The following NPC2 variants were observed in gnomAD, a reference collection of about 807,000 sequenced individuals.
The protein encoded by NPC2 is NPC intracellular cholesterol transporter 2.
Under a neutral mutation model 17.0 loss-of-function variants are expected in NPC2, and 14 were observed. The ratio of observed to expected loss-of-function variants is 0.82; its 90% CI spans 0.54 to 1.29. NPC2 has a LOEUF of 1.29. Ranked by LOEUF, NPC2 falls within the 50% of genes most tolerant of loss-of-function variation. The pLI is 0.00. For synonymous variants in NPC2, 75 were observed against 69.3 expected, an observed-to-expected ratio of 1.08 and a Z score of -0.41; for missense variants, 167 against 183.4, an observed-to-expected ratio of 0.91 and a Z score of 0.52.
At position 74,479,961 on chromosome 14, in the gene NPC2, G is replaced by T; in HGVS notation, c.*313C>A. Reference sequence around the variant, plus strand: ...CACATGCAGAAGACAAGACAAACGAGTTTTTATTTATTCAAGAGTAAATTT... The same window carrying T: ...CACATGCAGAAGACAAGACAAACGATTTTTTATTTATTCAAGAGTAAATTT... On this transcript the variant is annotated 3_prime_UTR_variant, in exon 5 of 5. Coordinates refer to ENST00000555619, the MANE Select transcript of NPC2 (RefSeq NM_006432.5). 7.6e-7 allele frequency: 1 copy of T among 1,317,178 alleles called. No homozygotes were observed. The highest frequency in any genetic ancestry group is 9.7e-7 in the Non-Finnish European group (1 of 1,026,594). 81.6% of individuals were successfully genotyped at this position (1,317,178 alleles called of 1,614,324 possible). A position where few individuals can be genotyped will look rare whatever the true frequency, so the allele number is the denominator to read the frequency against.
At chr14:74,482,849 G>A (rs996744920) in intron 3 of NPC2, 5 of 381,560 alleles carry the variant, frequency 1.3e-5, no homozygotes, top group South Asian at 5.0e-5. Context: ...GGCATCAGCC[G>A]TTGCTGTGCA....
chr14:74,486,168 G>A (rs931731525), intron 2 of NPC2, among the ~76,000 whole-genome samples, 161 bp downstream of exon 2: 8 of 152,180 alleles, frequency 5.3e-5, no homozygotes, highest in Non-Finnish European at 8.8e-5. Flanking sequence ...TGAGAAGGGT[G>A]TCCAAGGGCA....
Position 74,480,469 on chromosome 14 carries a change from A to G in NPC2, c.442-181T>C, listed in dbSNP as rs1262076121. ...TGAAGACAGTTAAATCAATCTCTAC[A>G]GTCTCACTCTCTCTTCTTTCCTTCA... On this transcript the variant is annotated intron_variant, in intron 4 of 4. Transcript: ENST00000555619. 20 of 763,352 alleles carry G rather than the reference A, an allele frequency of 2.6e-5. 1 individual carries two copies. Among genetic ancestry groups the G allele is most frequent in the Non-Finnish European group, 4.7e-5 (20 of 424,516 alleles). 47.3% of individuals were successfully genotyped at this position (763,352 alleles called of 1,614,324 possible).
intron 3 of NPC2, among the ~76,000 whole-genome samples, chr14:74,483,906 C>T (rs2086680664): frequency 1.3e-5 from 2 of 152,088 alleles, no homozygotes; most frequent in South Asian, 4.1e-4. Flanking sequence ...ATTGATATTG[C>T]AGTAGATAAC....
In NPC2 at chr14:74,486,403, A is replaced by G. The variant is rs1334912147; in HGVS notation, c.116T>C (p.Val39Ala). 1.2e-6 allele frequency: 2 copies of G among 1,602,754 alleles called. No homozygotes were observed. Among genetic ancestry groups the G allele is most frequent in the Non-Finnish European group, 1.7e-6 (2 of 1,174,420 alleles). Reference protein sequence around the residue: ...SVDGVIKEVNVSPCPTQPCQL... With the variant: ...SVDGVIKEVNASPCPTQPCQL... ...GCAGGGTTGGGTGGGGCATGGGCTCACATTCACTTCCTTTATAACTCCATC... is the reference window on the plus strand; with the variant it reads ...GCAGGGTTGGGTGGGGCATGGGCTCGCATTCACTTCCTTTATAACTCCATC... The change falls in exon 2 of 5, where the codon GTG becomes GCG. Residue 39 changes from valine to alanine, a missense_variant. Coordinates refer to ENST00000555619, the MANE Select transcript of NPC2 (RefSeq NM_006432.5).
chr14:74,488,766 G>A (rs898432030), intron 1 of NPC2, among the ~76,000 whole-genome samples: 5 of 152,052 alleles, frequency 3.3e-5, no homozygotes, highest in South Asian at 2.1e-4. Flanking sequence ...ACTCACTTCC[G>A]AGTAAGCAGA....
intron 1 of NPC2, 131 bp from the exon 2 acceptor site, chr14:74,486,567 A>G (rs2086715125): frequency 1.4e-6 from 1 of 730,922 alleles, no homozygotes; most frequent in Non-Finnish European, 2.4e-6. Flanking sequence ...ACTGTTTCCC[A>G]GGATGGAATC....
intron 1 of NPC2, among the ~76,000 whole-genome samples, chr14:74,487,153 G>A (rs769553514): frequency 1.3e-5 from 2 of 151,866 alleles, no homozygotes; most frequent in African/African-American, 2.4e-5. Flanking sequence ...GTTTCACTAT[G>A]TTGGCCAGGA....
At chr14:74,482,912 G>T in intron 3 of NPC2, 1 of 484,276 alleles carries the variant, frequency 2.1e-6, no homozygotes, top group South Asian at 2.0e-5. Flanking sequence ...GAGGGAGGAG[G>T]GAGGAGGAGG....
chr14:74,491,843 T>A (rs1454372533), intron 1 of NPC2, among the ~76,000 whole-genome samples: 1 of 152,134 alleles, frequency 6.6e-6, no homozygotes, highest in East Asian at 1.9e-4. Flanking sequence ...TGAAACGAAA[T>A]GGATAATAGC....
At chr14:74,480,495 A>G in intron 4 of NPC2, 2 of 760,896 alleles carry the variant, frequency 2.6e-6, no homozygotes, top group Non-Finnish European at 4.7e-6. Context: ...CTTTCCTTCA[A>G]CCTTTTTTTT....
upstream of NPC2, chr14:74,493,388 A>T: frequency 6.5e-7 from 1 of 1,547,532 alleles, no homozygotes; most frequent in Non-Finnish European, 8.7e-7. This position sits in a 1 kb window ranked among gnomAD's most constrained non-coding sequence, Gnocchi z 4.1. Flanking sequence ...TGTCACCAGT[A>T]ACCACAGCTG....
chr14:74,486,418 A>G lies in NPC2; in HGVS notation c.101T>C (p.Ile34Thr). ...FKDCGSVDGVIKEVNVSPCPT... is the reference protein window; with the variant it reads ...FKDCGSVDGVTKEVNVSPCPT... ...GCATGGGCTCACATTCACTTCCTTT[A>G]TAACTCCATCCACAGAACCTGCAAA... The change falls in exon 2 of 5, where the codon ATA becomes ACA. Residue 34 changes from isoleucine (I) to threonine (T), a missense_variant. Ile to Thr is a moderately conservative substitution (Grantham distance 89, BLOSUM62 -1). Coordinates refer to ENST00000555619, the MANE Select transcript of NPC2 (RefSeq NM_006432.5). 1 of 1,598,094 alleles carries G rather than the reference A, an allele frequency of 6.3e-7. No homozygotes were observed. Among genetic ancestry groups the G allele is most frequent in the South Asian group, 1.1e-5 (1 of 88,104 alleles).
intron 2 of NPC2, 131 bp downstream of exon 2, chr14:74,486,198 A>T: frequency 1.1e-6 from 1 of 875,834 alleles, no homozygotes; most frequent in Non-Finnish European, 1.9e-6. Flanking sequence ...CTAGCTTTGC[A>T]TGAGGTGCAA....
At chr14:74,485,292 CACAAAAAAAAAAAA>C (rs1307896527) in intron 2 of NPC2, among the ~76,000 whole-genome samples, 1 of 13,048 alleles carries the variant, frequency 7.7e-5, no homozygotes, top group African/African-American at 7.7e-4. Flanking sequence ...GAGACTCTGT[CACAAAAAAAAAAAA>C]AAAAAAAAAA....
intron 1 of NPC2, among the ~76,000 whole-genome samples, chr14:74,488,489 G>T (rs558564263): frequency 6.6e-6 from 1 of 152,218 alleles, no homozygotes. Flanking sequence ...GCCAAGGCAG[G>T]TGGATCAAGA....
chr14:74,481,047 T>C (rs2086651278), intron 3 of NPC2, among the ~76,000 whole-genome samples: 1 of 152,238 alleles, frequency 6.6e-6, no homozygotes. Flanking sequence ...TTCTCTTCTC[T>C]CTTAGATCAA....
intron 2 of NPC2, 90 bp from the exon 3 acceptor site, chr14:74,484,677 C>A: frequency 1.6e-6 from 2 of 1,218,526 alleles, no homozygotes; most frequent in East Asian, 3.9e-5. Flanking sequence ...CAAGCAACAG[C>A]ATTCCTAGGG....
intron 3 of NPC2, among the ~76,000 whole-genome samples, chr14:74,482,094 A>G (rs2086661644): frequency 6.6e-6 from 1 of 152,210 alleles, no homozygotes; most frequent in Non-Finnish European, 1.5e-5. Context: ...AGTACCTACT[A>G]CGTATCAGGC....
Sources: allele counts gnomAD v4.1 joint callset (sites outside exome capture counted in the v4.1 genomes callset), GRCh38; gene constraint gnomAD v4.1.1; non-coding constraint Gnocchi (gnomAD v3.1); transcripts MANE v1.5; gene names NCBI Gene and HGNC (gene_info 2026-07-23, HGNC 2026-07-21).